Variants in CLRN1 observed in about 807,000 individuals in gnomAD.
The protein encoded by CLRN1 is clarin 1, also known as clarin-1.
CLRN1 carries 15 observed loss-of-function variants against 18.7 expected under a neutral mutation model. The observed-to-expected ratio is 0.80, with a 90% CI of 0.54 to 1.23. The LOEUF (loss-of-function observed/expected upper bound fraction) is 1.23. Ranked by LOEUF, CLRN1 falls within the 50% of genes most tolerant of loss-of-function variation. The pLI, the probability that CLRN1 is intolerant of heterozygous loss-of-function variation, is 0.00. For missense variants in CLRN1, 311 were observed against 277.5 expected (o/e 1.12, Z -0.86); for synonymous variants, 104 against 102.9 (o/e 1.01, Z -0.07).
chr3:150,935,919 G>GT (rs1713457269), intron 2 of CLRN1, among the ~76,000 whole-genome samples: 1 of 149,962 alleles, frequency 6.7e-6, no homozygotes, highest in Admixed American at 6.7e-5. Flanking sequence ...TTTTTCATGT[G>GT]TTTTTTGGCT....
At chr3:150,930,112 TACTA>T (rs1713059936) in intron 2 of CLRN1, among the ~76,000 whole-genome samples, 1 of 152,244 alleles carries the variant, frequency 6.6e-6, no homozygotes, top group African/African-American at 2.4e-5. Flanking sequence ...TAAAATCAAT[TACTA>T]ACCAATTACA....
chr3:150,960,109 A>G (rs1326161972), intron 1 of CLRN1, among the ~76,000 whole-genome samples: 5 of 152,156 alleles, frequency 3.3e-5, no homozygotes, highest in African/African-American at 1.2e-4. Flanking sequence ...TGGTTTTGCC[A>G]TTTACTATGC....
At chr3:150,943,688 C>A in intron 1 of CLRN1, 1 of 1,474,842 alleles carries the variant, frequency 6.8e-7, no homozygotes, top group Non-Finnish European at 9.4e-7. Flanking sequence ...CCCTCACAGG[C>A]AGAGGGCAGC....
chr3:150,936,501 C>T (rs573978802), intron 2 of CLRN1, among the ~76,000 whole-genome samples: 9 of 152,236 alleles, frequency 5.9e-5, no homozygotes, highest in East Asian at 5.8e-4. Context: ...TTGTCTTACC[C>T]AGAATGCCAC....
intron 1 of CLRN1, among the ~76,000 whole-genome samples, chr3:150,948,013 C>T (rs753095778): frequency 8.5e-5 from 13 of 152,122 alleles, no homozygotes; most frequent in Non-Finnish European, 1.0e-4. Context: ...CAAGTCAACC[C>T]CAAAGCTAGC....
chr3:150,943,056 C>T (rs1409397070), intron 1 of CLRN1, among the ~76,000 whole-genome samples: 1 of 152,152 alleles, frequency 6.6e-6, no homozygotes, highest in African/African-American at 2.4e-5. Flanking sequence ...TATGTAACTG[C>T]AACAGTTAGG....
chr3:150,930,337 G>A (rs1186384528), intron 2 of CLRN1, among the ~76,000 whole-genome samples: 5 of 152,146 alleles, frequency 3.3e-5, no homozygotes, highest in Admixed American at 6.5e-5. Flanking sequence ...TGGGTTTGGG[G>A]TAGAGGCAGA....
At chr3:150,970,193 T>G (rs1715464789) in intron 1 of CLRN1, among the ~76,000 whole-genome samples, 1 of 152,238 alleles carries the variant, frequency 6.6e-6, no homozygotes, top group African/African-American at 2.4e-5. Context: ...GATCTTTTAT[T>G]CATTTATATG....
intron 2 of CLRN1, among the ~76,000 whole-genome samples, chr3:150,929,461 T>G (rs1482637957): frequency 6.6e-6 from 1 of 152,256 alleles, no homozygotes; most frequent in African/African-American, 2.4e-5. Context: ...CTTGCTGGGA[T>G]GGTTTTCTAC....
At position 150,928,045 on chromosome 3, in the gene CLRN1, A is replaced by G; in HGVS notation, c.590T>C (p.Phe197Ser). Residue 197 changes from phenylalanine to serine, a missense_variant, in exon 3 of 3, where the codon TTT becomes TCT. Coordinates refer to ENST00000327047, the MANE Select transcript of CLRN1 (RefSeq NM_174878.3). ...TSFWVIFFCF[F>S]VHFLNGLLIR... ...TAGGAGCCCATTCAGAAAATGAACA[A>G]AAAAGCAAAAGAAAATGACCCAGAA... 1 of 1,614,186 alleles carries G rather than the reference A, an allele frequency of 6.2e-7. No homozygotes were observed. The highest frequency in any genetic ancestry group is 1.6e-4 in the Middle Eastern group (1 of 6,062).
intron 1 of CLRN1, among the ~76,000 whole-genome samples, chr3:150,963,354 C>T (rs547869617): frequency 7.9e-5 from 12 of 152,244 alleles, no homozygotes; most frequent in African/African-American, 2.4e-4. Context: ...ATACAACTTA[C>T]AAGGGATGTG....
intron 1 of CLRN1, among the ~76,000 whole-genome samples, chr3:150,948,667 C>T (rs888661794): frequency 5.3e-5 from 8 of 151,838 alleles, no homozygotes; most frequent in African/African-American, 1.5e-4. Flanking sequence ...AGGAAAAAAC[C>T]GACTCCACTT....
At chr3:150,955,652 C>A (rs1246678696) in intron 1 of CLRN1, among the ~76,000 whole-genome samples, 1 of 152,050 alleles carries the variant, frequency 6.6e-6, no homozygotes, top group South Asian at 2.1e-4. Flanking sequence ...GAAACTGACT[C>A]CTGTTTAATA....
At chr3:150,929,171 A>G (rs553136119) in intron 2 of CLRN1, among the ~76,000 whole-genome samples, 1 of 152,228 alleles carries the variant, frequency 6.6e-6, no homozygotes, top group South Asian at 2.1e-4. Context: ...CTCATCTATC[A>G]CTCATTGGTA....
At position 150,935,227 on chromosome 3, in the gene CLRN1, C is replaced by T. The variant is rs1011292663; in HGVS notation, c.433+6355G>A. On this transcript the variant is annotated intron_variant, in intron 2 of 2. Transcript: ENST00000327047. ...GGTACATATGTATACATGTGCCATG[C>T]TGGTGTGCTGCACCCAATAACTCGT... Among the ~76,000 whole-genome samples the T allele has an allele frequency of 4.6e-5, 7 of 151,686 alleles. No individual in the cohort carries two copies. In the South Asian group the frequency reaches 8.4e-4, roughly 18 times the overall value.
At chr3:150,966,817 T>C (rs1327677453) in intron 1 of CLRN1, among the ~76,000 whole-genome samples, 1 of 152,160 alleles carries the variant, frequency 6.6e-6, no homozygotes, top group Non-Finnish European at 1.5e-5. Context: ...TGTCTAATGA[T>C]GGTGGCCAAA....
At chr3:150,939,500 C>A (rs1192648307) in intron 2 of CLRN1, among the ~76,000 whole-genome samples, 1 of 152,168 alleles carries the variant, frequency 6.6e-6, no homozygotes, top group East Asian at 1.9e-4. Flanking sequence ...ACCTGTTGAA[C>A]CAACTACCTG....
chr3:150,960,614 TCTTA>T (rs903013816), intron 1 of CLRN1, among the ~76,000 whole-genome samples: 6 of 152,194 alleles, frequency 3.9e-5, no homozygotes, highest in African/African-American at 1.4e-4. Flanking sequence ...TTGCTCTCAT[TCTTA>T]CTTCTATTTC....
chr3:150,966,091 A>G (rs898993030), intron 1 of CLRN1, among the ~76,000 whole-genome samples: 2 of 152,198 alleles, frequency 1.3e-5, no homozygotes, highest in Non-Finnish European at 2.9e-5. Flanking sequence ...AGGCCAATGC[A>G]GGAGGATTGC....
Sources: gnomAD v4.1 joint callset for allele counts (sites outside exome capture counted in the v4.1 genomes callset) on GRCh38, gnomAD v4.1.1 for gene constraint, MANE v1.5 for transcripts, NCBI Gene and HGNC (gene_info 2026-07-23, HGNC 2026-07-21) for gene names.